The following KCNQ5 variants were observed in gnomAD, a reference collection of about 807,000 sequenced individuals.
KCNQ5 encodes the protein potassium voltage-gated channel subfamily Q member 5.
In KCNQ5, 30 loss-of-function variants were observed where a neutral mutation model predicts 98.2. The ratio of observed to expected loss-of-function variants is 0.31; its 90% CI spans 0.23 to 0.41. The LOEUF (loss-of-function observed/expected upper bound fraction) is 0.41. Among genes scored for constraint, KCNQ5 ranks in the 10% least tolerant of loss-of-function variants. The pLI is 1.00. For synonymous variants in KCNQ5, 458 were observed against 449.4 expected, an observed-to-expected ratio of 1.02 and a Z score of -0.24; for missense variants, 835 against 1,182.5, an observed-to-expected ratio of 0.71 and a Z score of 4.31.
chr6:72,748,512 A>G (rs1224012510), intron 1 of KCNQ5, among the ~76,000 whole-genome samples: 1 of 152,162 alleles, frequency 6.6e-6, no homozygotes, highest in African/African-American at 2.4e-5. Flanking sequence ...AGAACCACAG[A>G]TGACTTTCAA....
intron 1 of KCNQ5, among the ~76,000 whole-genome samples, chr6:72,937,150 T>C (rs1386724838): frequency 1.3e-5 from 2 of 152,226 alleles, no homozygotes; most frequent in Admixed American, 1.3e-4. Context: ...AATAATGCTC[T>C]ATAAAAAGGA....
At chr6:72,658,945 T>G (rs1766362951) in intron 1 of KCNQ5, among the ~76,000 whole-genome samples, 1 of 152,206 alleles carries the variant, frequency 6.6e-6, no homozygotes, top group Non-Finnish European at 1.5e-5. Flanking sequence ...TGTTCATGGC[T>G]TTAAAAATTA....
intron 5 of KCNQ5, among the ~76,000 whole-genome samples, chr6:73,081,545 T>C (rs1230919874): frequency 6.6e-6 from 1 of 152,172 alleles, no homozygotes; most frequent in Non-Finnish European, 1.5e-5. Flanking sequence ...AGTGAGACCC[T>C]GCCTCAAAGA....
At chr6:72,882,942 G>A (rs1020093412) in intron 1 of KCNQ5, among the ~76,000 whole-genome samples, 1 of 152,106 alleles carries the variant, frequency 6.6e-6, no homozygotes, top group Admixed American at 6.5e-5. Context: ...GGGAAAAATA[G>A]ATCAATATCC....
intron 1 of KCNQ5, among the ~76,000 whole-genome samples, chr6:72,770,094 T>G (rs1455600025): frequency 6.6e-6 from 1 of 152,138 alleles, no homozygotes; most frequent in Non-Finnish European, 1.5e-5. Flanking sequence ...TTGAGAAAGC[T>G]TAAATGGGAG....
At chr6:73,049,605 A>C (rs1772123385) in intron 3 of KCNQ5, among the ~76,000 whole-genome samples, 1 of 152,204 alleles carries the variant, frequency 6.6e-6, no homozygotes, top group African/African-American at 2.4e-5. Context: ...AGAAATAATG[A>C]AGGAGCAGGA....
In KCNQ5 at chr6:73,062,597, T is replaced by C. The variant is rs147562287; in HGVS notation, c.617-14725T>C. On this transcript the variant is annotated intron_variant, in intron 3 of 13. Coordinates refer to ENST00000370398, the MANE Select transcript of KCNQ5 (RefSeq NM_019842.4). ...ATAGAGAAAAAAAATGTGGCAATTATTCAAGCAATGCAAGGTGAAAAATAG... is the reference window on the plus strand; with the variant it reads ...ATAGAGAAAAAAAATGTGGCAATTACTCAAGCAATGCAAGGTGAAAAATAG... 2.6e-5 allele frequency among the ~76,000 whole-genome samples: 4 copies of C among 152,294 alleles called. No homozygotes were observed. In the East Asian group the frequency reaches 7.7e-4, roughly 29 times the overall value.
At chr6:72,687,986 G>A (rs189678702) in intron 1 of KCNQ5, among the ~76,000 whole-genome samples, 73 of 151,910 alleles carry the variant, frequency 4.8e-4, no homozygotes, top group Non-Finnish European at 7.1e-4. Context: ...CTACAGGTGC[G>A]CATCACCATG....
intron 1 of KCNQ5, among the ~76,000 whole-genome samples, chr6:72,985,859 C>A (rs1768748824): frequency 6.6e-6 from 1 of 152,160 alleles, no homozygotes; most frequent in Non-Finnish European, 1.5e-5. Context: ...CATATGTACT[C>A]CTGTGTTCAT....
intron 1 of KCNQ5, among the ~76,000 whole-genome samples, chr6:72,779,821 C>CTGTGTGTGTG (rs35526812): frequency 1.7e-4 from 21 of 124,926 alleles, no homozygotes; most frequent in East Asian, 2.6e-4. Context: ...ATTTAATTTT[C>CTGTGTGTGTG]TGTGTGTGTG....
At chr6:73,020,121 T>C (rs945817792) in intron 2 of KCNQ5, among the ~76,000 whole-genome samples, 1 of 152,114 alleles carries the variant, frequency 6.6e-6, no homozygotes, top group Admixed American at 6.6e-5. Flanking sequence ...GGGTGTCCTC[T>C]AATTCAATTC....
intron 1 of KCNQ5, among the ~76,000 whole-genome samples, chr6:72,908,318 G>A (rs1000171741): frequency 2.6e-5 from 4 of 152,006 alleles, no homozygotes; most frequent in Non-Finnish European, 5.9e-5. Context: ...ATAAAATTGC[G>A]TTGTGTTTGG....
chr6:72,724,374 C>A (rs1390898170), intron 1 of KCNQ5, among the ~76,000 whole-genome samples: 1 of 151,984 alleles, frequency 6.6e-6, no homozygotes, highest in Non-Finnish European at 1.5e-5. Flanking sequence ...TCTTTTGCTT[C>A]TTTTATCCAA....
At chr6:73,143,524 T>C (rs1224770819) in intron 10 of KCNQ5, 1 of 152,238 alleles carries the variant, frequency 6.6e-6, no homozygotes, top group African/African-American at 2.4e-5. Flanking sequence ...CTGTCAGCCA[T>C]AGTCCTTTCT....
At chr6:72,926,700 G>A (rs111467388) in intron 1 of KCNQ5, among the ~76,000 whole-genome samples, 4,943 of 152,108 alleles carry the variant, frequency 0.032, 117 homozygotes, top group Middle Eastern at 0.048. Flanking sequence ...TGTTCAATTA[G>A]TTCTTCTCAA....
chr6:73,151,971 C>T (rs116322095), intron 10 of KCNQ5, among the ~76,000 whole-genome samples: 23 of 152,332 alleles, frequency 1.5e-4, no homozygotes, highest in African/African-American at 5.1e-4. Context: ...TCCCTCTCCA[C>T]CTGACACACT....
chr6:72,895,864 A>G (rs1261906891), intron 1 of KCNQ5, among the ~76,000 whole-genome samples: 1 of 152,044 alleles, frequency 6.6e-6, no homozygotes, highest in Non-Finnish European at 1.5e-5. Flanking sequence ...ATAAAGTATT[A>G]CAGATCAGAA....
At chr6:72,651,549 A>G (rs1002264909) in intron 1 of KCNQ5, among the ~76,000 whole-genome samples, 5 of 152,046 alleles carry the variant, frequency 3.3e-5, no homozygotes, top group African/African-American at 9.7e-5. Flanking sequence ...ATACTTGTTA[A>G]ATTGTTGGAC....
chr6:72,767,738 T>C (rs1772650888), intron 1 of KCNQ5, among the ~76,000 whole-genome samples: 1 of 151,994 alleles, frequency 6.6e-6, no homozygotes, highest in African/African-American at 2.4e-5. Context: ...GAAAAGATGT[T>C]TGATACTGTT....
Sources: allele counts gnomAD v4.1 joint callset (sites outside exome capture counted in the v4.1 genomes callset), GRCh38; gene constraint gnomAD v4.1.1; transcripts MANE v1.5; gene names NCBI Gene and HGNC (gene_info 2026-07-23, HGNC 2026-07-21).